Variants in WDPCP observed in about 807,000 individuals in gnomAD.
WDPCP encodes WD repeat containing planar cell polarity effector.
In WDPCP, 71 loss-of-function variants were observed where a neutral mutation model predicts 93.1. That is an observed-to-expected ratio of 0.76 (90% CI 0.63 to 0.93). WDPCP has a LOEUF of 0.93. WDPCP is among the 40% of genes least tolerant of loss of function. The pLI is 0.00. For synonymous variants in WDPCP, 315 were observed against 315.0 expected, an observed-to-expected ratio of 1.00 and a Z score of 0.00; for missense variants, 844 against 887.4, an observed-to-expected ratio of 0.95 and a Z score of 0.62.
intron 2 of WDPCP, among the ~76,000 whole-genome samples, chr2:63,810,364 G>A (rs2104084532): frequency 6.6e-6 from 1 of 152,288 alleles, no homozygotes; most frequent in East Asian, 1.9e-4. Flanking sequence ...AAAGATACAG[G>A]CATATAAAAA....
At chr2:63,479,640 C>T (rs149960928) in intron 6 of WDPCP, among the ~76,000 whole-genome samples, 2,480 of 151,654 alleles carry the variant, frequency 0.016, 80 homozygotes, top group African/African-American at 0.057. Context: ...CTCAGCAAAA[C>T]TGGCATAGAA....
upstream of WDPCP, chr2:63,827,978 A>G (rs1671138439): frequency 6.6e-6 from 1 of 152,210 alleles, no homozygotes; most frequent in Admixed American, 6.6e-5. Flanking sequence ...GCAACTAGAC[A>G]TGCAAGAATT....
intron 17 of WDPCP, among the ~76,000 whole-genome samples, chr2:63,126,145 G>T (rs763037667): frequency 6.6e-6 from 1 of 151,748 alleles, no homozygotes; most frequent in Non-Finnish European, 1.5e-5. Flanking sequence ...TTTTGGCCAG[G>T]CTGGTCTTGA....
At chr2:63,667,465 G>A (rs1438161508) in intron 2 of WDPCP, among the ~76,000 whole-genome samples, 4 of 152,222 alleles carry the variant, frequency 2.6e-5, no homozygotes, top group Admixed American at 1.3e-4. Context: ...ATAGTTAATT[G>A]CTTGTGGATT....
chr2:63,810,018 G>C (rs905076883), intron 2 of WDPCP, among the ~76,000 whole-genome samples: 3 of 151,862 alleles, frequency 2.0e-5, no homozygotes, highest in African/African-American at 7.3e-5. Flanking sequence ...TTAGACTGTA[G>C]TCAGAATCCA....
chr2:63,796,103 C>T (rs1670613584), intron 2 of WDPCP, among the ~76,000 whole-genome samples: 1 of 152,170 alleles, frequency 6.6e-6, no homozygotes, highest in African/African-American at 2.4e-5. Context: ...AAAAAAGATA[C>T]AAGAGAGTTA....
intron 2 of WDPCP, among the ~76,000 whole-genome samples, chr2:63,725,005 C>A (rs908196529): frequency 2.0e-5 from 3 of 152,180 alleles, no homozygotes; most frequent in Non-Finnish European, 2.9e-5. Context: ...TTTTACTTGG[C>A]AAGCAAATGG....
rs1348465518 is a variant in WDPCP, at chr2:63,527,975, A to G, written c.76-35035T>C. On this transcript the variant is annotated intron_variant, in intron 1 of 17. Coordinates refer to ENST00000272321, the MANE Select transcript of WDPCP (RefSeq NM_015910.7). ...TTGCATTTCTCTGATGGCCAGTGAC[A>G]ATGAGCATTTTTTCATGTGTCTGTT... 3.3e-5 allele frequency among the ~76,000 whole-genome samples: 5 copies of G among 151,850 alleles called. No individual in the cohort carries two copies. In the East Asian group the frequency reaches 5.8e-4, roughly 18 times the overall value.
At chr2:63,411,206 A>G (rs1694995455) in intron 9 of WDPCP, among the ~76,000 whole-genome samples, 2 of 152,206 alleles carry the variant, frequency 1.3e-5, no homozygotes, top group Non-Finnish European at 2.9e-5. Context: ...CAGTAGAACA[A>G]AACTAAAATT....
intron 2 of WDPCP, among the ~76,000 whole-genome samples, chr2:63,685,226 A>T (rs1347282186): frequency 6.6e-6 from 1 of 152,214 alleles, no homozygotes; most frequent in Non-Finnish European, 1.5e-5. Flanking sequence ...ACTAAGAAAA[A>T]GAGAGAGAAG....
intron 2 of WDPCP, among the ~76,000 whole-genome samples, chr2:63,733,231 C>T (rs1669587305): frequency 8.0e-6 from 1 of 125,008 alleles, no homozygotes; most frequent in South Asian, 2.4e-4. Flanking sequence ...CTCGCTCTGT[C>T]GCCCAGGCCG....
At chr2:63,236,325 T>C (rs1249860289) in intron 14 of WDPCP, among the ~76,000 whole-genome samples, 1 of 152,028 alleles carries the variant, frequency 6.6e-6, no homozygotes, top group Non-Finnish European at 1.5e-5. Context: ...AAAGAAATAA[T>C]AGATGACACA....
the WDPCP span, among the ~76,000 whole-genome samples, chr2:63,834,437 T>A: frequency 6.6e-6 from 1 of 152,246 alleles, no homozygotes; most frequent in South Asian, 2.1e-4. Context: ...ATTCTCATTT[T>A]TTTTTTAATA....
chr2:63,278,121 T>A (rs181051482), intron 13 of WDPCP, among the ~76,000 whole-genome samples: 29 of 152,260 alleles, frequency 1.9e-4, no homozygotes, highest in African/African-American at 7.0e-4. Context: ...CTCAAAACCA[T>A]GCAAATACAT....
At chr2:63,695,861 GT>G in intron 2 of WDPCP, among the ~76,000 whole-genome samples, 1 of 152,002 alleles carries the variant, frequency 6.6e-6, no homozygotes, top group Non-Finnish European at 1.5e-5. Flanking sequence ...GTATAAACTA[GT>G]TTTGCTTATT....
intron 14 of WDPCP, among the ~76,000 whole-genome samples, chr2:63,236,757 G>T (rs997221043): frequency 3.9e-5 from 6 of 152,106 alleles, no homozygotes; most frequent in Non-Finnish European, 8.8e-5. Context: ...AAATGATGCT[G>T]GGAAAATAGG....
intron 3 of WDPCP, among the ~76,000 whole-genome samples, chr2:63,645,692 G>A (rs879342809): frequency 7.9e-5 from 12 of 151,962 alleles, no homozygotes; most frequent in Non-Finnish European, 1.6e-4. Context: ...CTCCAGTGTT[G>A]GGCACATATA....
intron 3 of WDPCP, among the ~76,000 whole-genome samples, chr2:63,632,593 G>C (rs1709875686): frequency 6.6e-6 from 1 of 150,564 alleles, no homozygotes; most frequent in Non-Finnish European, 1.5e-5. Context: ...ATGAAATAGA[G>C]AGCATCAACA....
intron 2 of WDPCP, among the ~76,000 whole-genome samples, chr2:63,709,459 T>C (rs1046978635): frequency 4.6e-5 from 7 of 152,280 alleles, no homozygotes; most frequent in African/African-American, 1.7e-4. Flanking sequence ...TAGTCATGGG[T>C]GGTATTGGAT....
Sources: allele counts gnomAD v4.1 joint callset (sites outside exome capture counted in the v4.1 genomes callset), GRCh38; gene constraint gnomAD v4.1.1; transcripts MANE v1.5; gene names NCBI Gene and HGNC (gene_info 2026-07-23, HGNC 2026-07-21).